The following TFR2 variants were observed in gnomAD, a reference collection of about 807,000 sequenced individuals.
TFR2 encodes transferrin receptor protein 2.
Under a neutral mutation model 91.9 loss-of-function variants are expected in TFR2, and 64 were observed. The observed-to-expected ratio is 0.70, with a 90% CI of 0.57 to 0.86. TFR2 has a LOEUF of 0.86. Among genes scored for constraint, TFR2 ranks in the 40% least tolerant of loss-of-function variants. The pLI, the probability that TFR2 is intolerant of heterozygous loss-of-function variation, is 0.00. For missense variants in TFR2, 950 were observed against 1,080.5 expected, an observed-to-expected ratio of 0.88 and a Z score of 1.69; for synonymous variants, 454 against 459.6, an observed-to-expected ratio of 0.99 and a Z score of 0.15.
chr7:100,626,720 G>GGGGCGGGACACTGGGGGCGGGGCGAGGA, intron 17 of TFR2, 43 bp downstream of exon 17: 1 of 1,535,046 alleles, frequency 6.5e-7, no homozygotes, highest in Non-Finnish European at 8.7e-7. Context: ...CCCCAGGGGA[G>GGGGCGGGACACTGGGGGCGGGGCGAGGA]GGGCGGGACA....
chr7:100,621,570 G>A (rs1488897667), intron 17 of TFR2, among the ~76,000 whole-genome samples: 5 of 151,990 alleles, frequency 3.3e-5, no homozygotes, highest in Admixed American at 6.6e-5. Flanking sequence ...TCTATCTCTA[G>A]AACCCCTAAG....
In TFR2 at chr7:100,640,514, A is replaced by C. The variant is rs535428895; in HGVS notation, c.473+172T>G. The C allele has an allele frequency of 3.5e-5, 25 of 718,624 alleles. No individual in the cohort carries two copies. The Admixed American group carries it at 4.9e-4, about 14-fold the overall frequency. 44.5% of individuals were successfully genotyped at this position (718,624 alleles called of 1,614,324 possible). A position where few individuals can be genotyped will look rare whatever the true frequency, so the allele number is the denominator to read the frequency against. On this transcript the variant is annotated intron_variant, in intron 3 of 17. Transcript: ENST00000223051. The stretch of plus-strand genomic sequence containing the variant: ...TCAGTCCCCTGGAACCTCAGCTCCG[A>C]ATGCCTGCCATCCTTCCCAGGACCG...
chr7:100,620,716 G>T lies in TFR2; in HGVS notation c.*141C>A. On this transcript the variant is annotated 3_prime_UTR_variant, in exon 18 of 18. Transcript: ENST00000223051. ...ATATCTGTGCTGGGGTCTGGGCTCC[G>T]TGGAGAGATGTGTAGGGGTAATGAG... 8.3e-7 allele frequency: 1 copy of T among 1,200,324 alleles called. No individual in the cohort carries two copies. Among genetic ancestry groups the T allele is most frequent in the Non-Finnish European group, 1.2e-6 (1 of 843,900 alleles). 74.4% of individuals were successfully genotyped at this position (1,200,324 alleles called of 1,614,324 possible).
rs779670334 is a variant in TFR2, at chr7:100,640,853, G to A, written c.306C>T (p.Val102=). The part of the protein sequence containing the change: ...IFTGAFLLGY[V]AFRGSCQACG... ...ACGCCTGGCAGGACCCTCGGAAGGC[G>A]ACGTAGCCCAGTAGGAAGGCTGGCG... is the stretch of plus-strand genomic sequence containing the variant. Residue 102 remains valine (V), a synonymous_variant, in exon 3 of 18, where the codon GTC becomes GTT. Coordinates refer to ENST00000223051, the MANE Select transcript of TFR2 (RefSeq NM_003227.4). 14 of 1,613,976 alleles carry A rather than the reference G, an allele frequency of 8.7e-6. No homozygotes were observed. The highest frequency in any genetic ancestry group is 1.1e-5 in the Non-Finnish European group (13 of 1,180,020).
At chr7:100,622,898 G>T (rs1406211332) in intron 17 of TFR2, among the ~76,000 whole-genome samples, 1 of 152,104 alleles carries the variant, frequency 6.6e-6, no homozygotes, top group African/African-American at 2.4e-5. Context: ...GGCGGACGTT[G>T]CAGTGAGCCA....
In TFR2 at chr7:100,630,901, G is replaced by A. The variant is rs1404079648; in HGVS notation, c.1258C>T (p.Arg420Cys). The change falls in exon 9 of 18, where the codon CGC becomes TGC. Residue 420 changes from arginine to cysteine, a missense_variant. Physicochemically the swap from Arg to Cys is radical, Grantham distance 180 (BLOSUM62 -3). Coordinates refer to ENST00000223051, the MANE Select transcript of TFR2 (RefSeq NM_003227.4). ...INNIFGCIEG[R>C]SEPDHYVVIG... is the part of the protein sequence containing the mutation. ...ACACACAGCATACCTGGCTCTGAGCGGCCTTCGATGCAGCCGAAGATGTTG... is the reference window on the plus strand; with the variant it reads ...ACACACAGCATACCTGGCTCTGAGCAGCCTTCGATGCAGCCGAAGATGTTG... 1.4e-5 allele frequency: 23 copies of A among 1,612,752 alleles called. No homozygotes were observed. The highest frequency in any genetic ancestry group is 1.9e-5 in the Non-Finnish European group (22 of 1,179,850).
At chr7:100,629,486 A>C in intron 9 of TFR2, 114 bp from the exon 10 acceptor site, 1 of 1,572,186 alleles carries the variant, frequency 6.4e-7, no homozygotes, top group East Asian at 2.3e-5. Flanking sequence ...CTAGCCCTGC[A>C]GTCCCTCCAG....
At chr7:100,626,695 G>A in intron 17 of TFR2, 68 bp downstream of exon 17, 1 of 1,530,344 alleles carries the variant, frequency 6.5e-7, no homozygotes, top group Non-Finnish European at 8.7e-7. Flanking sequence ...ACGGGGCCAG[G>A]TCCAGGAGGT....
chr7:100,639,936 C>T (rs1294777925), intron 3 of TFR2: 1 of 152,020 alleles, frequency 6.6e-6, no homozygotes, highest in Non-Finnish European at 1.5e-5. Flanking sequence ...AGGCGCCCGC[C>T]ACCATGCCCG....
At chr7:100,636,170 CTTTTTTT>C (rs10584926) in intron 3 of TFR2, among the ~76,000 whole-genome samples, 1 of 85,732 alleles carries the variant, frequency 1.2e-5, no homozygotes, top group Admixed American at 1.5e-4. Context: ...CACCCTGCAT[CTTTTTTT>C]TTTTTTTTTT....
At chr7:100,634,219 C>CACACACACACAG (rs1803530663) in intron 3 of TFR2, among the ~76,000 whole-genome samples, 2 of 149,568 alleles carry the variant, frequency 1.3e-5, no homozygotes, top group African/African-American at 5.0e-5. Context: ...CACACACACA[C>CACACACACACAG]AGCACCCAAA....
chr7:100,620,932 G>C lies in TFR2; in HGVS notation c.2331C>G (p.Ala777=). 1 of 1,614,162 alleles carries C rather than the reference G, an allele frequency of 6.2e-7. No individual in the cohort carries two copies. Among genetic ancestry groups the C allele is most frequent in the South Asian group, 1.1e-5 (1 of 91,076 alleles). ...CCCCTTGCAGCGTCCAGGTGAGCAG[G>C]GCTAGCTGACGCCGGAAACGGCTCT... ...FQESRFRRQL[A]LLTWTLQGAA... The change falls in exon 18 of 18, where the codon GCC becomes GCG. Residue 777 remains alanine, a synonymous_variant. Coordinates refer to ENST00000223051, the MANE Select transcript of TFR2 (RefSeq NM_003227.4).
chr7:100,628,183 T>G, intron 11 of TFR2, 41 bp downstream of exon 11: 28 of 831,894 alleles, frequency 3.4e-5, no homozygotes, highest in Non-Finnish European at 4.3e-5. Flanking sequence ...CACCCCCACC[T>G]CTCCCCAATG....
intron 6 of TFR2, 123 bp from the exon 7 acceptor site, chr7:100,632,321 G>A (rs1369402305): frequency 1.1e-6 from 1 of 904,464 alleles, no homozygotes; most frequent in Non-Finnish European, 1.8e-6. Context: ...GGATGTGGGG[G>A]CACTACCTGG....
Position 100,620,595 on chromosome 7 carries a change from G to T in TFR2, c.*262C>A. ...CTAGGTATGGAGGACCCCAGAAAGG[G>T]GAAGGGGCTGTGATTGAAGGGATGC... On this transcript the variant is annotated 3_prime_UTR_variant, in exon 18 of 18. Coordinates refer to ENST00000223051, the MANE Select transcript of TFR2 (RefSeq NM_003227.4). 2.2e-6 allele frequency: 1 copy of T among 462,642 alleles called. No individual in the cohort carries two copies. 28.7% of individuals were successfully genotyped at this position (462,642 alleles called of 1,614,324 possible). A position where few individuals can be genotyped will look rare whatever the true frequency, so the allele number is the denominator to read the frequency against.
Position 100,640,850 on chromosome 7 carries a change from G to T in TFR2, c.309C>A (p.Ala103=). ...CGCACGCCTGGCAGGACCCTCGGAA[G>T]GCGACGTAGCCCAGTAGGAAGGCTG... The part of the protein sequence containing the change: ...FTGAFLLGYV[A]FRGSCQACGD... Residue 103 remains alanine, a synonymous_variant, in exon 3 of 18, where the codon GCC becomes GCA. Transcript: ENST00000223051. The T allele has an allele frequency of 6.2e-7, 1 of 1,614,136 alleles. No individual in the cohort carries two copies. The highest frequency in any genetic ancestry group is 8.5e-7 in the Non-Finnish European group (1 of 1,180,028).
chr7:100,633,489 C>T lies in TFR2; in HGVS notation c.541G>A (p.Ala181Thr). ...GMAALTQDIR[A>T]ALSRQKLDHV... is the part of the protein sequence containing the mutation. Reference sequence around the variant, plus strand: ...TCCAGCTTCTGGCGGGAGAGCGCCGCGCGAATGTCCTGAGTCAGAGCGGCC... The same window carrying T: ...TCCAGCTTCTGGCGGGAGAGCGCCGTGCGAATGTCCTGAGTCAGAGCGGCC... The change falls in exon 4 of 18, where the codon GCG (alanine) becomes ACG (threonine). Residue 181 changes from alanine (A) to threonine (T), a missense_variant. Coordinates refer to ENST00000223051, the MANE Select transcript of TFR2 (RefSeq NM_003227.4). 1.2e-6 allele frequency: 2 copies of T among 1,611,946 alleles called. No individual in the cohort carries two copies. The highest frequency in any genetic ancestry group is 8.5e-7 in the Non-Finnish European group (1 of 1,179,876).
intron 3 of TFR2, among the ~76,000 whole-genome samples, chr7:100,636,914 ACTAT>A (rs1447927174): frequency 1.3e-5 from 2 of 152,130 alleles, no homozygotes; most frequent in Admixed American, 6.6e-5. Context: ...GACCTGTCAA[ACTAT>A]CTACCTGCTC....
intron 3 of TFR2, 108 bp from the exon 4 acceptor site, chr7:100,633,664 C>A: frequency 1.6e-6 from 2 of 1,212,420 alleles, no homozygotes; most frequent in Non-Finnish European, 2.1e-6. Context: ...GCGAGGGGTT[C>A]CTGAGTTTAG....
Sources: gnomAD v4.1 joint callset for allele counts (sites outside exome capture counted in the v4.1 genomes callset) on GRCh38, gnomAD v4.1.1 for gene constraint, MANE v1.5 for transcripts, NCBI Gene and HGNC (gene_info 2026-07-23, HGNC 2026-07-21) for gene names.